The following FGGY variants were observed in gnomAD, a reference collection of about 807,000 sequenced individuals.
FGGY encodes the protein FGGY carbohydrate kinase domain-containing protein.
Under a neutral mutation model 71.3 loss-of-function variants are expected in FGGY, and 72 were observed. The observed-to-expected ratio is 1.01, with a 90% confidence interval of 0.84 to 1.23. The LOEUF (loss-of-function observed/expected upper bound fraction) is 1.23, where lower values mean the gene tolerates loss of function less well. FGGY is among the 50% of genes most tolerant of loss of function. FGGY has a pLI of 0.00. For missense variants in FGGY, 668 were observed against 682.3 expected (o/e 0.98, Z 0.23); for synonymous variants, 251 against 250.3 (o/e 1.00, Z -0.02).
chr1:59,574,255 A>T (rs1472858595), intron 8 of FGGY, among the ~76,000 whole-genome samples: 1 of 152,166 alleles, frequency 6.6e-6, no homozygotes, highest in Non-Finnish European at 1.5e-5. Flanking sequence ...GGCTGCTGGC[A>T]TTCCTTGGCT....
At chr1:59,669,015 A>G (rs1302538662) in intron 13 of FGGY, among the ~76,000 whole-genome samples, 1 of 150,432 alleles carries the variant, frequency 6.6e-6, no homozygotes, top group East Asian at 1.9e-4. Context: ...AAAAAAAAGC[A>G]TACAGTCTAA....
At chr1:59,664,817 A>G (rs1265162385) in intron 12 of FGGY, among the ~76,000 whole-genome samples, 1 of 152,220 alleles carries the variant, frequency 6.6e-6, no homozygotes, top group Non-Finnish European at 1.5e-5. Flanking sequence ...GCAGACTTGT[A>G]TGGTAGGTAT....
intron 9 of FGGY, among the ~76,000 whole-genome samples, chr1:59,613,613 C>A (rs1304160790): frequency 6.6e-6 from 1 of 152,118 alleles, no homozygotes; most frequent in African/African-American, 2.4e-5. Flanking sequence ...CAAACACATT[C>A]AAAAGCTAGC....
chr1:59,759,028 A>G (rs2098319352), intron 15 of FGGY, among the ~76,000 whole-genome samples: 1 of 152,186 alleles, frequency 6.6e-6, no homozygotes, highest in Non-Finnish European at 1.5e-5. Flanking sequence ...TCAAGAATCC[A>G]GGCTAGAGAT....
At chr1:59,371,919 G>A (rs1276958231) in intron 4 of FGGY, among the ~76,000 whole-genome samples, 1 of 152,138 alleles carries the variant, frequency 6.6e-6, no homozygotes, top group Non-Finnish European at 1.5e-5. Context: ...GTGTGTAGAG[G>A]GAAATTTATA....
chr1:59,502,629 A>G (rs1216490774), intron 6 of FGGY, among the ~76,000 whole-genome samples: 4 of 152,200 alleles, frequency 2.6e-5, no homozygotes, highest in Admixed American at 2.6e-4. Context: ...TTCCTACTCC[A>G]GGTGGGGGAA....
chr1:59,419,595 A>G (rs2065061776), intron 5 of FGGY, among the ~76,000 whole-genome samples: 1 of 152,168 alleles, frequency 6.6e-6, no homozygotes, highest in African/African-American at 2.4e-5. Flanking sequence ...TGTACGGGGA[A>G]ACTCGCTGTG....
At chr1:59,319,093 T>A (rs2045948992) in intron 1 of FGGY, among the ~76,000 whole-genome samples, 1 of 152,206 alleles carries the variant, frequency 6.6e-6, no homozygotes, top group Non-Finnish European at 1.5e-5. Context: ...GTCTCAGATG[T>A]CACTGATTGC....
chr1:59,476,003 A>G (rs936827670), intron 6 of FGGY, among the ~76,000 whole-genome samples: 6 of 152,192 alleles, frequency 3.9e-5, no homozygotes, highest in Non-Finnish European at 5.9e-5. Context: ...ATTGCTTACC[A>G]TGCCCCCACG....
chr1:59,328,202 G>A (rs577217802), intron 2 of FGGY, among the ~76,000 whole-genome samples: 1 of 152,340 alleles, frequency 6.6e-6, no homozygotes, highest in African/African-American at 2.4e-5. Context: ...ATATAAGGCT[G>A]TTTTGCCTAC....
intron 14 of FGGY, among the ~76,000 whole-genome samples, chr1:59,730,521 T>A (rs952856235): frequency 3.5e-4 from 54 of 152,178 alleles, no homozygotes; most frequent in Admixed American, 7.9e-4. Flanking sequence ...AGCGGGCCAA[T>A]AAATAGTTGC....
At chr1:59,315,531 C>G (rs2045286452) in intron 1 of FGGY, 1 of 151,852 alleles carries the variant, frequency 6.6e-6, no homozygotes, top group Admixed American at 6.6e-5. Context: ...CAAGCCAGGT[C>G]CTTTGTTAGG....
chr1:59,348,688 T>C (rs181214343), intron 4 of FGGY, among the ~76,000 whole-genome samples: 3,705 of 152,224 alleles, frequency 0.024, 170 homozygotes, highest in African/African-American at 0.085. Context: ...AGAGGGTGCC[T>C]AAGGATTGCC....
intron 8 of FGGY, among the ~76,000 whole-genome samples, chr1:59,565,439 C>A (rs899902528): frequency 6.6e-6 from 1 of 152,170 alleles, no homozygotes; most frequent in Admixed American, 6.5e-5. Flanking sequence ...CACCCGCCAC[C>A]ATGCCCGGCT....
intron 15 of FGGY, among the ~76,000 whole-genome samples, chr1:59,760,747 A>G (rs1216223173): frequency 2.6e-5 from 4 of 152,222 alleles, no homozygotes; most frequent in Non-Finnish European, 5.9e-5. Flanking sequence ...CAGTGCACAA[A>G]GTTGTGGCAA....
intron 14 of FGGY, among the ~76,000 whole-genome samples, chr1:59,682,121 A>G (rs1020171883): frequency 2.6e-5 from 4 of 152,172 alleles, no homozygotes; most frequent in Admixed American, 6.6e-5. Context: ...TTTCTATAAT[A>G]TTATAATAAT....
At chr1:59,347,102 C>CTTTTT (rs58319841) in intron 4 of FGGY, among the ~76,000 whole-genome samples, 150,658 of 151,016 alleles carry the variant, frequency 1, 75,151 homozygotes, top group Middle Eastern at 1. Flanking sequence ...TTCGGTTATT[C>CTTTTT]TTTATTATTA....
intron 14 of FGGY, among the ~76,000 whole-genome samples, chr1:59,686,154 C>T (rs2097542263): frequency 6.6e-6 from 1 of 152,130 alleles, no homozygotes. Context: ...GGAGATGTCA[C>T]TTGACTCAGT....
chr1:59,363,376 T>C lies in FGGY; in HGVS notation c.466-15373T>C, dbSNP rs560236624. Reference sequence around the variant, plus strand: ...AAGTAATAATAAGAACAATCGTAGGTAAAAAGTGCTTACTATGTGCCAGGT... The same window carrying C: ...AAGTAATAATAAGAACAATCGTAGGCAAAAAGTGCTTACTATGTGCCAGGT... On this transcript the variant is annotated intron_variant, in intron 4 of 15. Coordinates refer to ENST00000303721, the MANE Select transcript of FGGY (RefSeq NM_018291.5). 4.1e-4 allele frequency among the ~76,000 whole-genome samples: 62 copies of C among 152,318 alleles called. 3 individuals carry two copies. The South Asian group carries it at 0.012, about 31-fold the overall frequency.
Sources: allele counts gnomAD v4.1 joint callset (sites outside exome capture counted in the v4.1 genomes callset), GRCh38; gene constraint gnomAD v4.1.1; transcripts MANE v1.5; gene names NCBI Gene and HGNC (gene_info 2026-07-23, HGNC 2026-07-21).